THSD7B: variants seen among roughly 807,000 people sequenced by gnomAD.
THSD7B encodes the protein thrombospondin type-1 domain-containing protein 7B.
Under a neutral mutation model 213.6 loss-of-function variants are expected in THSD7B, and 138 were observed. The ratio of observed to expected loss-of-function variants is 0.65; its 90% CI spans 0.56 to 0.74. The LOEUF is 0.74. THSD7B is among the 30% of genes least tolerant of loss of function. The pLI is 0.00. For synonymous variants in THSD7B, 742 were observed against 687.0 expected, an observed-to-expected ratio of 1.08 and a Z score of -1.25; for missense variants, 1,931 against 1,991.5, an observed-to-expected ratio of 0.97 and a Z score of 0.58.
chr2:137,259,104 G>C (rs1174767734), intron 10 of THSD7B, among the ~76,000 whole-genome samples: 1 of 152,108 alleles, frequency 6.6e-6, no homozygotes, highest in Non-Finnish European at 1.5e-5. Context: ...ATTTGGGTTG[G>C]TTCCAAGTCT....
At chr2:137,075,438 A>G (rs1687599412) in intron 3 of THSD7B, among the ~76,000 whole-genome samples, 1 of 152,180 alleles carries the variant, frequency 6.6e-6, no homozygotes. Context: ...CAGCTCCATC[A>G]GGTCCTTTAA....
chr2:137,237,665 C>T (rs1216099974), intron 9 of THSD7B, among the ~76,000 whole-genome samples: 1 of 152,296 alleles, frequency 6.6e-6, no homozygotes, highest in Admixed American at 6.5e-5. Flanking sequence ...AGAAAACCAA[C>T]TTTACCTTTT....
At chr2:137,383,228 C>T (rs1685816787) in intron 12 of THSD7B, among the ~76,000 whole-genome samples, 1 of 152,158 alleles carries the variant, frequency 6.6e-6, no homozygotes, top group Non-Finnish European at 1.5e-5. Context: ...TGCCCCAGTG[C>T]CCCTAAAGGT....
intron 12 of THSD7B, among the ~76,000 whole-genome samples, chr2:137,294,930 C>A (rs1683424171): frequency 6.6e-6 from 1 of 152,052 alleles, no homozygotes; most frequent in Non-Finnish European, 1.5e-5. Context: ...AGAATTTTAA[C>A]TAATACTAAC....
chr2:137,577,220 C>T (rs1036996242), intron 17 of THSD7B, among the ~76,000 whole-genome samples: 1 of 152,060 alleles, frequency 6.6e-6, no homozygotes, highest in Non-Finnish European at 1.5e-5. Flanking sequence ...GCGTATTTTA[C>T]CCCTGTGTGC....
chr2:137,321,169 A>C (rs1684257699), intron 12 of THSD7B, among the ~76,000 whole-genome samples: 1 of 152,228 alleles, frequency 6.6e-6, no homozygotes, highest in Non-Finnish European at 1.5e-5. Context: ...TTAGCCTTAT[A>C]AAAATTATTC....
chr2:137,551,279 G>A (rs1429636550), intron 15 of THSD7B, among the ~76,000 whole-genome samples: 1 of 152,040 alleles, frequency 6.6e-6, no homozygotes, highest in Non-Finnish European at 1.5e-5. Flanking sequence ...TTTTTGATAT[G>A]AAGACCTTAT....
chr2:136,879,201 AG>A (rs1456184183), intron 1 of THSD7B, among the ~76,000 whole-genome samples: 2 of 152,118 alleles, frequency 1.3e-5, no homozygotes, highest in Non-Finnish European at 2.9e-5. Context: ...TGTTTTTGTC[AG>A]GTTTGTCAAA....
rs1412474054 is a variant in THSD7B at position 136,903,545 on chromosome 2, C to A, written c.139+21228C>A. 2.6e-5 allele frequency among the ~76,000 whole-genome samples: 4 copies of A among 152,060 alleles called. No homozygotes were observed. In the East Asian group the frequency reaches 7.7e-4, roughly 29 times the overall value. ...CCTCAAAGGTGATGCTGCCACAGAG[C>A]AGGGGTATGGACAAGATGGAGGTCT... On this transcript the variant is annotated intron_variant, in intron 2 of 27. Coordinates refer to ENST00000409968, the MANE Select transcript of THSD7B (RefSeq NM_001316349.2).
At chr2:137,089,291 T>TATATATGTGTGTGTATATGTATATATAC (rs778931434) in intron 3 of THSD7B, among the ~76,000 whole-genome samples, 34 of 124,142 alleles carry the variant, frequency 2.7e-4, no homozygotes, top group East Asian at 1.8e-3. Context: ...TATATATACA[T>TATATATGTGTGTGTATATGTATATATAC]ATATATGTGT....
chr2:137,542,275 G>A (rs1034921136), intron 15 of THSD7B, among the ~76,000 whole-genome samples: 1 of 151,592 alleles, frequency 6.6e-6, no homozygotes, highest in Non-Finnish European at 1.5e-5. Flanking sequence ...CAGAAACCGT[G>A]GAGGCAAGAA....
At chr2:137,021,013 G>T (rs1686437337) in intron 2 of THSD7B, among the ~76,000 whole-genome samples, 1 of 152,192 alleles carries the variant, frequency 6.6e-6, no homozygotes, top group African/African-American at 2.4e-5. Context: ...TAAGCAGTTT[G>T]TCACAACTGG....
At chr2:137,569,402 C>G (rs73958892) in intron 16 of THSD7B, among the ~76,000 whole-genome samples, 37,364 of 152,088 alleles carry the variant, frequency 0.25, 4,727 homozygotes, top group South Asian at 0.35. Context: ...AGTGCACCAG[C>G]TGTTCTCTAG....
chr2:137,013,837 G>A (rs545671821), intron 2 of THSD7B, among the ~76,000 whole-genome samples: 1 of 152,320 alleles, frequency 6.6e-6, no homozygotes, highest in South Asian at 2.1e-4. Context: ...TAGAAATTAA[G>A]ATTTTTAGAA....
chr2:137,620,084 C>G (rs1413327467), intron 19 of THSD7B, among the ~76,000 whole-genome samples: 1 of 151,966 alleles, frequency 6.6e-6, no homozygotes, highest in Non-Finnish European at 1.5e-5. Context: ...TCAGAGAGGA[C>G]AAGAAAAAAA....
chr2:137,535,989 G>A (rs1219780894), intron 15 of THSD7B, among the ~76,000 whole-genome samples: 1 of 150,914 alleles, frequency 6.6e-6, no homozygotes, highest in Non-Finnish European at 1.5e-5. Flanking sequence ...AGATAAATAG[G>A]CAAGGTTTGG....
chr2:137,313,160 C>G (rs1420740831), intron 12 of THSD7B, among the ~76,000 whole-genome samples: 4 of 152,150 alleles, frequency 2.6e-5, no homozygotes, highest in African/African-American at 4.8e-5. Context: ...TTGTAGGTCA[C>G]TAAGGACTTG....
intron 3 of THSD7B, among the ~76,000 whole-genome samples, chr2:137,072,264 G>A (rs1204055566): frequency 2.0e-5 from 3 of 152,196 alleles, no homozygotes; most frequent in South Asian, 2.1e-4. Context: ...CCGTTTCTTT[G>A]TATCCTCTTT....
At chr2:136,772,562 C>T (rs1681526648) in intron 1 of THSD7B, among the ~76,000 whole-genome samples, 1 of 152,120 alleles carries the variant, frequency 6.6e-6, no homozygotes, top group African/African-American at 2.4e-5. Flanking sequence ...CAGAACTGTC[C>T]TGCCAACTAT....
Sources: gnomAD v4.1 joint callset for allele counts (sites outside exome capture counted in the v4.1 genomes callset) on GRCh38, gnomAD v4.1.1 for gene constraint, MANE v1.5 for transcripts, NCBI Gene and HGNC (gene_info 2026-07-23, HGNC 2026-07-21) for gene names.